PIGN: variants seen among roughly 807,000 people sequenced by gnomAD.
PIGN encodes phosphatidylinositol glycan anchor biosynthesis class N, also known as GPI ethanolamine phosphate transferase 1.
Under a neutral mutation model 125.4 loss-of-function variants are expected in PIGN, and 117 were observed. The ratio of observed to expected loss-of-function variants is 0.93; its 90% confidence interval spans 0.80 to 1.09. PIGN has a LOEUF of 1.09. PIGN is among the 50% of genes least tolerant of loss of function. The pLI, the probability that PIGN is intolerant of heterozygous loss-of-function variation, is 0.00. For missense variants in PIGN, 1,075 were observed against 1,094.9 expected (o/e 0.98, Z 0.26); for synonymous variants, 392 against 377.8 (o/e 1.04, Z -0.44).
intron 3 of PIGN, 80 bp from the exon 4 acceptor site, chr18:62,161,465 T>C (rs1235404830): frequency 1.1e-5 from 7 of 622,634 alleles, no homozygotes; most frequent in African/African-American, 1.8e-5. Flanking sequence ...TGATCACAAG[T>C]AGATGAAACA....
intron 14 of PIGN, among the ~76,000 whole-genome samples, chr18:62,128,601 A>G (rs2035620381): frequency 6.6e-6 from 1 of 152,040 alleles, no homozygotes; most frequent in South Asian, 2.1e-4. Context: ...AGAGATCAAG[A>G]AAAAAAAGAA....
At chr18:62,050,181 G>A (rs1302522408) in intron 30 of PIGN, among the ~76,000 whole-genome samples, 2 of 152,116 alleles carry the variant, frequency 1.3e-5, no homozygotes, top group African/African-American at 2.4e-5. Flanking sequence ...TTGGCGATGC[G>A]GGCTCCTTTT....
chr18:62,053,925 T>A (rs2031517162), intron 30 of PIGN, among the ~76,000 whole-genome samples: 1 of 152,026 alleles, frequency 6.6e-6, no homozygotes, highest in African/African-American at 2.4e-5. Flanking sequence ...GGAATCCAAC[T>A]AGAAATCAAC....
intron 7 of PIGN, among the ~76,000 whole-genome samples, chr18:62,152,674 A>C (rs1008800249): frequency 6.6e-6 from 1 of 152,092 alleles, no homozygotes; most frequent in Non-Finnish European, 1.5e-5. Flanking sequence ...ATTTTTGAAT[A>C]CTATACTGAA....
At chr18:62,067,288 T>C (rs182884009) in intron 30 of PIGN, among the ~76,000 whole-genome samples, 1 of 152,238 alleles carries the variant, frequency 6.6e-6, no homozygotes. Context: ...GCTCCACTCA[T>C]TTCAACTTTT....
intron 23 of PIGN, among the ~76,000 whole-genome samples, chr18:62,036,158 T>C (rs1012273621): frequency 6.6e-6 from 1 of 152,226 alleles, no homozygotes; most frequent in Non-Finnish European, 1.5e-5. Context: ...GTGTACATAA[T>C]TGGCAAGAGC....
intron 1 of PIGN, among the ~76,000 whole-genome samples, chr18:62,168,176 C>G (rs1469167289): frequency 6.6e-6 from 1 of 151,216 alleles, no homozygotes; most frequent in African/African-American, 2.4e-5. Context: ...AAAAGTGAAA[C>G]TCTGTCTCAA....
intron 28 of PIGN, among the ~76,000 whole-genome samples, chr18:62,076,472 T>G (rs1465550538): frequency 6.6e-6 from 1 of 151,772 alleles, no homozygotes; most frequent in Non-Finnish European, 1.5e-5. Flanking sequence ...CTTACTAGAG[T>G]CTTTCACAGA....
chr18:62,142,456 G>A (rs1287912797), intron 11 of PIGN, among the ~76,000 whole-genome samples: 1 of 152,124 alleles, frequency 6.6e-6, no homozygotes, highest in East Asian at 1.9e-4. Flanking sequence ...ATTTTTAATG[G>A]CAAATTAATA....
chr18:62,145,372 A>G (rs1034096584), intron 10 of PIGN, among the ~76,000 whole-genome samples: 5 of 152,098 alleles, frequency 3.3e-5, no homozygotes, highest in African/African-American at 9.7e-5. Flanking sequence ...TGAAAAATGC[A>G]CCATTACTTA....
intron 14 of PIGN, among the ~76,000 whole-genome samples, chr18:62,125,088 A>G (rs894771727): frequency 2.7e-5 from 4 of 150,850 alleles, no homozygotes; most frequent in Admixed American, 2.0e-4. Context: ...GTTTGTACAT[A>G]CATGTATATA....
At chr18:62,178,572 C>A in intron 1 of PIGN, among the ~76,000 whole-genome samples, 1 of 149,632 alleles carries the variant, frequency 6.7e-6, no homozygotes, top group South Asian at 2.1e-4. Flanking sequence ...GAATTCAAGG[C>A]TAGCCTGGGA....
At chr18:62,112,143 A>G (rs2034903331) in intron 16 of PIGN, among the ~76,000 whole-genome samples, 2 of 152,178 alleles carry the variant, frequency 1.3e-5, no homozygotes, top group Admixed American at 1.3e-4. Context: ...GAGTTCTAAG[A>G]ATGCCTAGAT....
intron 23 of PIGN, among the ~76,000 whole-genome samples, chr18:62,031,399 A>T (rs1047797053): frequency 6.6e-6 from 1 of 152,218 alleles, no homozygotes; most frequent in Non-Finnish European, 1.5e-5. Context: ...ACCAAGACTG[A>T]GGAAACATCA....
rs781730836 is a variant in PIGN, at chr18:62,095,954, C to A, written c.2078-4G>T. The stretch of plus-strand genomic sequence containing the variant: ...AGTGGCACAACCAAGGAAGAGGCTG[C>A]AATGAAACAGAACAGGTCATCTGTC... On this transcript the variant is annotated splice_region_variant and splice_polypyrimidine_tract_variant and intron_variant, in intron 22 of 30. Coordinates refer to ENST00000640252, the MANE Select transcript of PIGN (RefSeq NM_176787.5). The A allele has an allele frequency of 3.7e-5, 58 of 1,583,610 alleles. No homozygotes were observed. The highest frequency in any genetic ancestry group is 4.9e-5 in the Non-Finnish European group (56 of 1,153,080).
chr18:62,146,666 C>T (rs553626062), intron 9 of PIGN, among the ~76,000 whole-genome samples: 2 of 152,158 alleles, frequency 1.3e-5, no homozygotes, highest in African/African-American at 2.4e-5. Flanking sequence ...ACCATCTTAA[C>T]GTCACTCCCT....
intron 14 of PIGN, among the ~76,000 whole-genome samples, chr18:62,115,013 C>T (rs2146621401): frequency 6.6e-6 from 1 of 152,298 alleles, no homozygotes; most frequent in East Asian, 1.9e-4. Flanking sequence ...TGGCAGACTT[C>T]ACGTGATTGA....
intron 23 of PIGN, among the ~76,000 whole-genome samples, chr18:62,020,956 G>C (rs1485952618): frequency 9.4e-6 from 1 of 106,332 alleles, no homozygotes; most frequent in Non-Finnish European, 1.8e-5. Flanking sequence ...GCGAGACTCT[G>C]TCTCAAAAAA....
At chr18:62,174,587 A>G (rs2037455340) in intron 1 of PIGN, among the ~76,000 whole-genome samples, 1 of 152,250 alleles carries the variant, frequency 6.6e-6, no homozygotes, top group Non-Finnish European at 1.5e-5. Flanking sequence ...GAGATGAATG[A>G]GTAAACAATT....
Sources: allele counts gnomAD v4.1 joint callset (sites outside exome capture counted in the v4.1 genomes callset), GRCh38; gene constraint gnomAD v4.1.1; transcripts MANE v1.5; gene names NCBI Gene and HGNC (gene_info 2026-07-23, HGNC 2026-07-21).